HNMT: variants seen among roughly 807,000 people sequenced by gnomAD.
HNMT encodes histamine N-methyltransferase.
HNMT carries 30 observed loss-of-function variants against 32.1 expected under a neutral mutation model. The observed-to-expected ratio is 0.93, with a 90% confidence interval of 0.70 to 1.27. The LOEUF (loss-of-function observed/expected upper bound fraction) is 1.27, where lower values mean the gene tolerates loss of function less well. Ranked by LOEUF, HNMT falls within the 50% of genes most tolerant of loss-of-function variation. The probability of loss-of-function intolerance (pLI) is 0.00; values close to 1 mark genes in which losing one functional copy is unlikely to be tolerated. For missense variants in HNMT, 327 were observed against 346.0 expected (o/e 0.95, Z 0.43); for synonymous variants, 125 against 119.0 (o/e 1.05, Z -0.33).
chr2:137,976,941 A>G (rs1369303277), intron 2 of HNMT, among the ~76,000 whole-genome samples: 1 of 152,234 alleles, frequency 6.6e-6, no homozygotes, highest in Non-Finnish European at 1.5e-5. Flanking sequence ...AGTGATTGTC[A>G]TTAAAAGCAG....
At chr2:138,005,692 T>A (rs556135446) in intron 5 of HNMT, among the ~76,000 whole-genome samples, 2 of 152,188 alleles carry the variant, frequency 1.3e-5, no homozygotes, top group East Asian at 3.9e-4. Context: ...CTATAGGTTT[T>A]TTCAAATGCC....
rs1413079415 is a variant in HNMT at position 138,016,268 on chromosome 2, A to G, written c.*2138A>G. ...GGATCAATGAATTATTTCCTTCTCA[A>G]ACATTTATCTTATACCTTGTGTGTT... On this transcript the variant is annotated 3_prime_UTR_variant, in exon 6 of 6. Transcript: ENST00000280097. 6.6e-6 allele frequency: 1 copy of G among 152,146 alleles called. No homozygotes were observed. The highest frequency in any genetic ancestry group is 6.6e-5 in the Admixed American group (1 of 15,250). The allele number at this position is 152,146 out of a possible 1,614,324, so 9.4% of individuals were successfully genotyped here.
At chr2:138,012,791 ATC>A (rs1558750330) in intron 5 of HNMT, among the ~76,000 whole-genome samples, 65 of 151,840 alleles carry the variant, frequency 4.3e-4, no homozygotes, top group African/African-American at 1.5e-3. Context: ...TTTTACCCAT[ATC>A]CTACATCCAA....
intron 2 of HNMT, among the ~76,000 whole-genome samples, chr2:137,972,710 T>TA (rs1208252036): frequency 6.6e-6 from 1 of 152,232 alleles, no homozygotes; most frequent in African/African-American, 2.4e-5. Flanking sequence ...GTGTTTTGGA[T>TA]ATGAGTTTCA....
intron 2 of HNMT, 37 bp downstream of exon 2, chr2:137,970,254 T>C: frequency 1.7e-6 from 2 of 1,184,006 alleles, no homozygotes; most frequent in Non-Finnish European, 1.2e-6. Context: ...ATATTTCACT[T>C]TAACCATTAT....
intron 4 of HNMT, among the ~76,000 whole-genome samples, chr2:138,004,442 G>A (rs540537821): frequency 3.1e-4 from 47 of 152,136 alleles, no homozygotes; most frequent in African/African-American, 1.1e-3. Flanking sequence ...TGGGGGTGGG[G>A]TCCAAAGATG....
chr2:138,003,078 C>A, intron 4 of HNMT, among the ~76,000 whole-genome samples: 1 of 76,096 alleles, frequency 1.3e-5, no homozygotes, highest in Non-Finnish European at 2.4e-5. Flanking sequence ...ACTCTGGGGT[C>A]TGTTGTGGGG....
At position 138,013,921 on chromosome 2, in the gene HNMT, A is replaced by G. The variant is rs142814433; in HGVS notation, c.670A>G (p.Met224Val). The change falls in exon 6 of 6, where the codon ATG becomes GTG. Residue 224 changes from methionine (M) to valine (V), a missense_variant. Coordinates refer to ENST00000280097, the MANE Select transcript of HNMT (RefSeq NM_006895.3). ...TGAGTGCTATGACCTTTTGTCCACC[A>G]TGGATATATCTGACTGCTTTATTGA... ...KYECYDLLST[M>V]DISDCFIDGN... is the part of the protein sequence containing the mutation. 7 of 1,613,710 alleles carry G rather than the reference A, an allele frequency of 4.3e-6. No individual in the cohort carries two copies. Among genetic ancestry groups the G allele is most frequent in the Non-Finnish European group, 4.2e-6 (5 of 1,179,828 alleles).
intron 5 of HNMT, among the ~76,000 whole-genome samples, chr2:138,011,785 G>A (rs760934726): frequency 3.6e-4 from 55 of 152,204 alleles, no homozygotes; most frequent in Non-Finnish European, 4.7e-4. Context: ...CTTCAGTAAC[G>A]TTAACTATTG....
intron 4 of HNMT, among the ~76,000 whole-genome samples, chr2:138,004,846 A>G (rs1037234045): frequency 2.6e-5 from 4 of 152,094 alleles, no homozygotes; most frequent in Admixed American, 6.6e-5. Flanking sequence ...AATGGTGACT[A>G]AGTGTCTCCA....
intron 5 of HNMT, among the ~76,000 whole-genome samples, chr2:138,009,733 T>C (rs1399800408): frequency 6.6e-6 from 1 of 152,086 alleles, no homozygotes; most frequent in East Asian, 1.9e-4. Flanking sequence ...TTACTACTCA[T>C]TGTTTTCTTT....
At chr2:137,973,982 C>T (rs539258000) in intron 2 of HNMT, among the ~76,000 whole-genome samples, 3 of 151,936 alleles carry the variant, frequency 2.0e-5, no homozygotes, top group Non-Finnish European at 2.9e-5. Context: ...CTGAGAAGTT[C>T]AAAAGAAAGG....
intron 2 of HNMT, among the ~76,000 whole-genome samples, chr2:137,991,116 C>A (rs1482205545): frequency 6.6e-6 from 1 of 152,192 alleles, no homozygotes; most frequent in Non-Finnish European, 1.5e-5. Context: ...GTTACAAAGG[C>A]TACAGATGAA....
At chr2:137,992,131 G>A (rs762657891) in intron 2 of HNMT, among the ~76,000 whole-genome samples, 6 of 152,296 alleles carry the variant, frequency 3.9e-5, no homozygotes, top group East Asian at 1.9e-4. Flanking sequence ...AGGGACTAGC[G>A]TCCCAACCCA....
intron 2 of HNMT, among the ~76,000 whole-genome samples, chr2:137,985,237 T>C (rs1020678): frequency 0.42 from 63,980 of 151,650 alleles, 13,771 homozygotes; most frequent in South Asian, 0.48. Context: ...TGTATAAAAC[T>C]GCTCTAACTC....
intron 2 of HNMT, among the ~76,000 whole-genome samples, chr2:137,978,109 G>A (rs1680341658): frequency 6.6e-6 from 1 of 151,882 alleles, no homozygotes; most frequent in Non-Finnish European, 1.5e-5. Flanking sequence ...CAGAGATCAA[G>A]AGTCTTATTC....
intron 2 of HNMT, among the ~76,000 whole-genome samples, chr2:137,977,662 AATAACAT>A (rs1178507027): frequency 6.6e-6 from 1 of 152,134 alleles, no homozygotes; most frequent in African/African-American, 2.4e-5. Context: ...TTAAAAAGCT[AATAACAT>A]ATAATACTGA....
chr2:137,965,233 T>G (rs995093854), intron 1 of HNMT, among the ~76,000 whole-genome samples: 1 of 152,104 alleles, frequency 6.6e-6, no homozygotes, highest in Non-Finnish European at 1.5e-5. Flanking sequence ...CTATCCTTCT[T>G]GCAGAGTTCT....
chr2:137,989,649 G>A (rs1680758932), intron 2 of HNMT, among the ~76,000 whole-genome samples: 1 of 152,204 alleles, frequency 6.6e-6, no homozygotes, highest in Non-Finnish European at 1.5e-5. Context: ...GTAAGGTTAT[G>A]CTTCGTCTTT....
Sources: allele counts gnomAD v4.1 joint callset (sites outside exome capture counted in the v4.1 genomes callset), GRCh38; gene constraint gnomAD v4.1.1; transcripts MANE v1.5; gene names NCBI Gene and HGNC (gene_info 2026-07-23, HGNC 2026-07-21).